EIPR1: variants seen among roughly 807,000 people sequenced by gnomAD.
EIPR1 encodes EARP and GARP complex-interacting protein 1.
Under a neutral mutation model 48.1 loss-of-function variants are expected in EIPR1, and 25 were observed. The observed-to-expected ratio is 0.52, with a 90% CI of 0.38 to 0.73. The LOEUF is 0.73. Ranked by LOEUF, EIPR1 falls within the 30% of genes least tolerant of loss-of-function variation. The pLI, the probability that EIPR1 is intolerant of heterozygous loss-of-function variation, is 0.00. For missense variants in EIPR1, 415 were observed against 506.2 expected, an observed-to-expected ratio of 0.82 and a Z score of 1.73; for synonymous variants, 204 against 201.9, an observed-to-expected ratio of 1.01 and a Z score of -0.09.
intron 3 of EIPR1, among the ~76,000 whole-genome samples, chr2:3,298,174 G>A (rs1238599071): frequency 1.3e-5 from 2 of 152,130 alleles, no homozygotes; most frequent in Non-Finnish European, 2.9e-5. Context: ...GCAGAGAAAG[G>A]CTTGAGATTC....
chr2:3,205,912 A>G (rs1385873653), intron 5 of EIPR1, among the ~76,000 whole-genome samples: 18 of 152,244 alleles, frequency 1.2e-4, no homozygotes, highest in Admixed American at 1.2e-3. Context: ...AGCACGTGGC[A>G]GGCATCTTAA....
intron 4 of EIPR1, among the ~76,000 whole-genome samples, chr2:3,235,572 C>T (rs1666381657): frequency 6.6e-6 from 1 of 152,186 alleles, no homozygotes; most frequent in Non-Finnish European, 1.5e-5. Context: ...TTCAAAGCAC[C>T]CGACAAGCGT....
intron 3 of EIPR1, 58 bp from the exon 4 acceptor site, chr2:3,257,513 C>T: frequency 6.3e-7 from 1 of 1,584,822 alleles, no homozygotes; most frequent in Non-Finnish European, 8.6e-7. Flanking sequence ...CCGCATTCTG[C>T]AGACAGCACA....
rs1370695278 is a variant in EIPR1 at position 3,305,117 on chromosome 2, G to A, written c.259+32900C>T. 1.4e-3 allele frequency among the ~76,000 whole-genome samples: 151 copies of A among 108,642 alleles called. 2 individuals carry two copies. The highest frequency in any genetic ancestry group is 5.1e-3 in the African/African-American group (135 of 26,626). 71.3% of individuals were successfully genotyped at this position (108,642 alleles called of 152,430 possible). A position where few individuals can be genotyped will look rare whatever the true frequency, so the allele number is the denominator to read the frequency against. On this transcript the variant is annotated intron_variant, in intron 3 of 8. Coordinates refer to ENST00000382125, the MANE Select transcript of EIPR1 (RefSeq NM_003310.5). Reference sequence around the variant, plus strand: ...CCAACCAGTTCAGCCCTCCACTCCCGTCCAGTTCAGCCCTCCAGTCCCATC... The same window carrying A: ...CCAACCAGTTCAGCCCTCCACTCCCATCCAGTTCAGCCCTCCAGTCCCATC...
At chr2:3,240,392 T>C (rs1666567964) in intron 4 of EIPR1, among the ~76,000 whole-genome samples, 1 of 149,450 alleles carries the variant, frequency 6.7e-6, no homozygotes, top group African/African-American at 2.5e-5. Flanking sequence ...AGATCCTTCC[T>C]AAAGCAAAGC....
rs72765351 is a variant in EIPR1, at chr2:3,330,928, G to A, written c.259+7089C>T. Among the ~76,000 whole-genome samples, 411 of 118,856 alleles carry A rather than the reference G, an allele frequency of 3.5e-3. 1 individual carries two copies. Among genetic ancestry groups the A allele is most frequent in the South Asian group, 5.4e-3 (18 of 3,322 alleles). The allele number at this position is 118,856 out of a possible 152,430, so 78.0% of individuals were successfully genotyped here. On this transcript the variant is annotated intron_variant, in intron 3 of 8. Transcript: ENST00000382125. ...AGACGGTGTAAGCAGAGACTGGCAA[G>A]TGTACACTCGTGAGATGGTGTGAGC... is the stretch of plus-strand genomic sequence containing the variant.
At chr2:3,209,026 C>T (rs978003267) in intron 5 of EIPR1, 3 of 1,444,768 alleles carry the variant, frequency 2.1e-6, no homozygotes, top group Non-Finnish European at 1.8e-6. Context: ...GTGGAGGTGG[C>T]TGACCAGCAC....
At chr2:3,365,957 G>A (rs1284168099) in intron 1 of EIPR1, among the ~76,000 whole-genome samples, 1 of 43,078 alleles carries the variant, frequency 2.3e-5, no homozygotes, top group Non-Finnish European at 8.5e-5. Flanking sequence ...CAGTCCGGGA[G>A]GGAGGTGGGG....
At chr2:3,297,718 G>T (rs773030699) in intron 3 of EIPR1, among the ~76,000 whole-genome samples, 5 of 152,256 alleles carry the variant, frequency 3.3e-5, no homozygotes, top group Non-Finnish European at 7.3e-5. Context: ...GTGTCTGGGT[G>T]CCAATAAAAC....
intron 1 of EIPR1, among the ~76,000 whole-genome samples, chr2:3,369,317 G>A (rs549934650): frequency 5.3e-5 from 8 of 152,332 alleles, no homozygotes; most frequent in African/African-American, 1.4e-4. Context: ...CGCAGAAGAC[G>A]GGTGATTTCT....
At chr2:3,297,654 C>T (rs866455881) in intron 3 of EIPR1, among the ~76,000 whole-genome samples, 1 of 152,338 alleles carries the variant, frequency 6.6e-6, no homozygotes, top group South Asian at 2.1e-4. Context: ...CAGTCTTTAT[C>T]GCAGTTACTC....
intron 5 of EIPR1, among the ~76,000 whole-genome samples, chr2:3,201,546 C>T (rs932282561): frequency 6.6e-6 from 1 of 152,208 alleles, no homozygotes; most frequent in Non-Finnish European, 1.5e-5. Context: ...GGGGCACAGG[C>T]ACTGCAGGGA....
intron 4 of EIPR1, among the ~76,000 whole-genome samples, chr2:3,245,249 G>A (rs1170254650): frequency 6.6e-6 from 1 of 152,052 alleles, no homozygotes; most frequent in African/African-American, 2.4e-5. Context: ...GTCTTGCTCT[G>A]TCACCCAGGC....
At chr2:3,309,212 G>A (rs1289451352) in intron 3 of EIPR1, among the ~76,000 whole-genome samples, 1 of 152,138 alleles carries the variant, frequency 6.6e-6, no homozygotes, top group Admixed American at 6.5e-5. Flanking sequence ...AAAGTGGGAG[G>A]GCAGAGATGG....
chr2:3,352,621 A>G (rs1032147604), intron 2 of EIPR1, among the ~76,000 whole-genome samples: 2 of 152,276 alleles, frequency 1.3e-5, no homozygotes, highest in African/African-American at 4.8e-5. Context: ...GTAATAGCCT[A>G]ACGCTACATC....
At chr2:3,229,751 A>G (rs1020813901) in intron 4 of EIPR1, among the ~76,000 whole-genome samples, 2 of 152,058 alleles carry the variant, frequency 1.3e-5, no homozygotes, top group African/African-American at 4.8e-5. Context: ...GTGCTTTTCT[A>G]TTTTTCATTA....
chr2:3,369,742 C>A (rs1294389562), intron 1 of EIPR1, among the ~76,000 whole-genome samples: 1 of 152,246 alleles, frequency 6.6e-6, no homozygotes, highest in African/African-American at 2.4e-5. Flanking sequence ...GAAGCTCGAA[C>A]TGGGTGGAGC....
intron 3 of EIPR1, among the ~76,000 whole-genome samples, chr2:3,283,819 T>A (rs571169215): frequency 6.6e-6 from 1 of 151,858 alleles, no homozygotes; most frequent in Non-Finnish European, 1.5e-5. Context: ...GGCGGCTGTC[T>A]GTAAATCCCA....
At chr2:3,311,536 C>T (rs1396390647) in intron 3 of EIPR1, among the ~76,000 whole-genome samples, 1 of 152,170 alleles carries the variant, frequency 6.6e-6, no homozygotes. Context: ...TCTCTTACAA[C>T]AGTTTCTTTT....
Sources: allele counts gnomAD v4.1 joint callset (sites outside exome capture counted in the v4.1 genomes callset), GRCh38; gene constraint gnomAD v4.1.1; transcripts MANE v1.5; gene names NCBI Gene and HGNC (gene_info 2026-07-23, HGNC 2026-07-21).